GPBP1L1: variants seen among roughly 807,000 people sequenced by gnomAD.
GPBP1L1 encodes vasculin-like protein 1.
In GPBP1L1, 23 loss-of-function variants were observed where a neutral mutation model predicts 52.5. That is an observed-to-expected ratio of 0.44 (90% confidence interval 0.32 to 0.62). The LOEUF is 0.62. Among genes scored for constraint, GPBP1L1 ranks in the 20% least tolerant of loss-of-function variants. The probability of loss-of-function intolerance (pLI) is 0.06; values close to 1 mark genes in which losing one functional copy is unlikely to be tolerated. For synonymous variants in GPBP1L1, 243 were observed against 203.1 expected, an observed-to-expected ratio of 1.20 and a Z score of -1.67; for missense variants, 596 against 579.3, an observed-to-expected ratio of 1.03 and a Z score of -0.30.
chr1:45,674,591 T>C (rs1208434791), intron 2 of GPBP1L1, among the ~76,000 whole-genome samples: 2 of 152,212 alleles, frequency 1.3e-5, no homozygotes, highest in Non-Finnish European at 2.9e-5. Flanking sequence ...AACCATACTT[T>C]GAATTGTGAT....
intron 2 of GPBP1L1, among the ~76,000 whole-genome samples, chr1:45,672,881 G>A (rs927672429): frequency 7.9e-5 from 12 of 152,348 alleles, no homozygotes; most frequent in African/African-American, 2.9e-4. Flanking sequence ...TGTCAGTGAT[G>A]ATGTTGGATA....
rs1216768240 is a variant in GPBP1L1 at position 45,634,214 on chromosome 1, C to T, written c.767G>A (p.Arg256Lys). ...AAGGGATCCTGACTTGTGCTCCATC[C>T]TGTTAGCTTTCCATGCATTAGGCTA... The part of the protein sequence containing the change: ...PSKPNAWKAN[R>K]MEHKSGSLSS... The change falls in exon 9 of 13, where the codon AGG becomes AAG. Residue 256 changes from arginine to lysine, a missense_variant. Arg to Lys is a conservative substitution (Grantham distance 26). Transcript: ENST00000355105. 6.2e-7 allele frequency: 1 copy of T among 1,613,388 alleles called. No homozygotes were observed. The highest frequency in any genetic ancestry group is 1.7e-5 in the Admixed American group (1 of 59,960).
Position 45,642,450 on chromosome 1 carries a change from A to G in GPBP1L1, c.527T>C (p.Ile176Thr), listed in dbSNP as rs781708812. Residue 176 changes from isoleucine to threonine, a missense_variant, in exon 7 of 13, where the codon ATT (isoleucine) becomes ACT (threonine). By Grantham distance (89) the Ile-to-Thr change is moderately conservative. Transcript: ENST00000355105. The part of the protein sequence containing the change: ...AGKQHQPCRP[I>T]GTPSGVWENP... The stretch of plus-strand genomic sequence containing the variant: ...ACCCCATACTCCAGAAGGTGTCCCA[A>G]TAGGTCTGCATGGCTGATGCTGTTT... 4.6e-5 allele frequency: 74 copies of G among 1,613,902 alleles called. No homozygotes were observed. Among genetic ancestry groups the G allele is most frequent in the Middle Eastern group, 1.6e-4 (1 of 6,084 alleles).
At chr1:45,651,619 G>A in intron 6 of GPBP1L1, 1 of 686,428 alleles carries the variant, frequency 1.5e-6, no homozygotes, top group Non-Finnish European at 2.7e-6. Flanking sequence ...GCTGCATATA[G>A]AGGATGGCTC....
At chr1:45,646,156 G>A (rs1644742865) in intron 6 of GPBP1L1, 1 of 376,514 alleles carries the variant, frequency 2.7e-6, no homozygotes, top group East Asian at 7.9e-5. Context: ...CGGCATTGGT[G>A]ATACTCTTGA....
chr1:45,662,983 G>A (rs185717561), intron 2 of GPBP1L1, among the ~76,000 whole-genome samples: 6 of 147,808 alleles, frequency 4.1e-5, no homozygotes, highest in Non-Finnish European at 7.5e-5. Flanking sequence ...TCCGGGAGGC[G>A]GAGGTTACAG....
chr1:45,641,141 C>G (rs1644666486), intron 7 of GPBP1L1, among the ~76,000 whole-genome samples: 1 of 152,126 alleles, frequency 6.6e-6, no homozygotes. Flanking sequence ...CAAACTGGAG[C>G]AAAGGTATAC....
chr1:45,652,325 T>TA (rs954666001), intron 6 of GPBP1L1, among the ~76,000 whole-genome samples: 7 of 152,142 alleles, frequency 4.6e-5, no homozygotes, highest in South Asian at 2.1e-4. Context: ...CATATGAAGG[T>TA]AAAAAAATGC....
At chr1:45,628,596 G>A (rs1220409306) in intron 12 of GPBP1L1, among the ~76,000 whole-genome samples, 188 bp from the exon 13 acceptor site, 2 of 152,080 alleles carry the variant, frequency 1.3e-5, no homozygotes, top group Non-Finnish European at 2.9e-5. Flanking sequence ...AGTCATCTAC[G>A]CATCTTTCAA....
intron 2 of GPBP1L1, among the ~76,000 whole-genome samples, chr1:45,675,552 T>C (rs1484414493): frequency 6.6e-6 from 1 of 152,046 alleles, no homozygotes; most frequent in African/African-American, 2.4e-5. Flanking sequence ...TCTTAACTGT[T>C]CTTTTTTGAG....
chr1:45,671,209 C>CTTTTTTTTTTT (rs5773890), intron 2 of GPBP1L1, among the ~76,000 whole-genome samples: 1 of 99,828 alleles, frequency 1.0e-5, no homozygotes, highest in Admixed American at 1.3e-4. Context: ...GGCTCTCTGG[C>CTTTTTTTTTTT]TTTTTTTTTT....
At position 45,654,712 on chromosome 1, in the gene GPBP1L1, T is replaced by C. The variant is rs762667229; in HGVS notation, c.308A>G (p.His103Arg). The C allele has an allele frequency of 1.1e-5, 18 of 1,614,196 alleles. No individual in the cohort carries two copies. The highest frequency in any genetic ancestry group is 1.5e-5 in the Non-Finnish European group (18 of 1,180,026). Residue 103 changes from histidine to arginine, a missense_variant, in exon 6 of 13, where the codon CAT becomes CGT. Coordinates refer to ENST00000355105, the MANE Select transcript of GPBP1L1 (RefSeq NM_021639.5). ...PSGWHSSSRG[H>R]DGMSQRSGGG... is the part of the protein sequence containing the mutation. ...TCCACTACGTTGGCTCATGCCATCA[T>C]GACCTCGGGAAGAGCTATGCCAACC...
At chr1:45,655,062 C>G (rs1307496932) in intron 5 of GPBP1L1, 128 bp downstream of exon 5, 2 of 1,223,554 alleles carry the variant, frequency 1.6e-6, no homozygotes, top group Admixed American at 4.3e-5. Context: ...GTAATGACTA[C>G]TAGAGAATCT....
chr1:45,664,666 T>G (rs200699727), intron 2 of GPBP1L1, among the ~76,000 whole-genome samples: 1 of 138,104 alleles, frequency 7.2e-6, no homozygotes, highest in African/African-American at 2.6e-5. Flanking sequence ...CATCTCACAG[T>G]TTTTTTGTTT....
chr1:45,642,340 G>C, intron 7 of GPBP1L1, 87 bp downstream of exon 7: 1 of 868,512 alleles, frequency 1.2e-6, no homozygotes, highest in Non-Finnish European at 1.9e-6. Flanking sequence ...AGAAACAAGA[G>C]ATAAAAAGAG....
chr1:45,631,779 G>A (rs888471415), intron 10 of GPBP1L1, among the ~76,000 whole-genome samples: 1 of 152,082 alleles, frequency 6.6e-6, no homozygotes, highest in Non-Finnish European at 1.5e-5. Flanking sequence ...TATTAGCCAG[G>A]CATGGTGGCA....
At chr1:45,651,321 G>A (rs891705700) in intron 6 of GPBP1L1, 23 of 379,024 alleles carry the variant, frequency 6.1e-5, no homozygotes, top group Non-Finnish European at 1.0e-4. Flanking sequence ...AGGGCAGGTA[G>A]GAAGACAACC....
intron 2 of GPBP1L1, among the ~76,000 whole-genome samples, chr1:45,678,710 T>C (rs1645176945): frequency 6.6e-6 from 1 of 152,106 alleles, no homozygotes; most frequent in African/African-American, 2.4e-5. Context: ...TAAAAAGATA[T>C]AGATAAAGTA....
chr1:45,651,581 A>G, intron 6 of GPBP1L1: 1 of 646,690 alleles, frequency 1.5e-6, no homozygotes, highest in Admixed American at 2.1e-5. Flanking sequence ...GGCCTGGATG[A>G]ACTGGTTAAT....
Sources: allele counts gnomAD v4.1 joint callset (sites outside exome capture counted in the v4.1 genomes callset), GRCh38; gene constraint gnomAD v4.1.1; transcripts MANE v1.5; gene names NCBI Gene and HGNC (gene_info 2026-07-23, HGNC 2026-07-21).